HPSE2: variants seen among roughly 807,000 people sequenced by gnomAD.
HPSE2 encodes heparanase 2 (inactive).
HPSE2 carries 38 observed loss-of-function variants against 60.5 expected under a neutral mutation model. That is an observed-to-expected ratio of 0.63 (90% CI 0.48 to 0.82). The LOEUF (loss-of-function observed/expected upper bound fraction) is 0.82, where lower values mean the gene tolerates loss of function less well. Among genes scored for constraint, HPSE2 ranks in the 40% least tolerant of loss-of-function variants. The probability of loss-of-function intolerance (pLI) is 0.00; values close to 1 mark genes in which losing one functional copy is unlikely to be tolerated. For missense variants in HPSE2, 713 were observed against 740.4 expected (o/e 0.96, Z 0.43); for synonymous variants, 295 against 293.2 (o/e 1.01, Z -0.06).
chr10:99,275,372 T>C, the HPSE2 span, among the ~76,000 whole-genome samples: 1 of 152,182 alleles, frequency 6.6e-6, no homozygotes, highest in East Asian at 1.9e-4. Flanking sequence ...GAAGTCCTTC[T>C]TGACTCGTAC....
intron 6 of HPSE2, among the ~76,000 whole-genome samples, chr10:98,665,853 A>T (rs1006731798): frequency 1.3e-5 from 2 of 152,190 alleles, no homozygotes; most frequent in African/African-American, 4.8e-5. Flanking sequence ...TAGCCCACAG[A>T]CAATATAAAG....
At chr10:99,075,202 TC>T (rs1481311871) in intron 3 of HPSE2, among the ~76,000 whole-genome samples, 1 of 152,172 alleles carries the variant, frequency 6.6e-6, no homozygotes, top group Non-Finnish European at 1.5e-5. Context: ...TTTTGCTGCA[TC>T]TTATAGGTTT....
At chr10:98,526,643 A>C (rs1490042228) in intron 9 of HPSE2, among the ~76,000 whole-genome samples, 1 of 152,238 alleles carries the variant, frequency 6.6e-6, no homozygotes, top group Non-Finnish European at 1.5e-5. Context: ...CATGGTCATC[A>C]TTAAGTTTAC....
chr10:98,957,215 A>C (rs966577172), intron 3 of HPSE2, among the ~76,000 whole-genome samples: 1 of 152,178 alleles, frequency 6.6e-6, no homozygotes, highest in Admixed American at 6.5e-5. Flanking sequence ...CTTTACACTA[A>C]AAGCATGCTA....
Position 98,488,620 on chromosome 10 carries a change from T to G in HPSE2, c.1466+1431A>C, listed in dbSNP as rs36008175. On this transcript the variant is annotated intron_variant, in intron 10 of 11. Coordinates refer to ENST00000370552, the MANE Select transcript of HPSE2 (RefSeq NM_021828.5). ...GCGGTATAAAGACCACAGACTGATA[T>G]GCTTTCCAACAGGGATATAAGGTGC... Among the ~76,000 whole-genome samples the G allele has an allele frequency of 3.8e-3, 579 of 152,324 alleles. 2 individuals carry two copies. Among genetic ancestry groups the G allele is most frequent in the Non-Finnish European group, 6.3e-3 (428 of 68,018 alleles).
At chr10:98,676,851 A>C (rs1317364004) in intron 6 of HPSE2, among the ~76,000 whole-genome samples, 1 of 151,804 alleles carries the variant, frequency 6.6e-6, no homozygotes, top group African/African-American at 2.4e-5. Flanking sequence ...TCTTAAAACA[A>C]ATCACTCTTT....
rs551512093 is a variant in HPSE2 at position 98,933,438 on chromosome 10, G to C, written c.611-189382C>G. ...AAGAAATGTATATTCTGTTGTTTTT[G>C]AGTGGAGCGTTCTATAGATATCTAT... On this transcript the variant is annotated intron_variant, in intron 3 of 11. Coordinates refer to ENST00000370552, the MANE Select transcript of HPSE2 (RefSeq NM_021828.5). Among the ~76,000 whole-genome samples, 16 of 144,440 alleles carry C rather than the reference G, an allele frequency of 1.1e-4. 2 individuals carry two copies. Among genetic ancestry groups the C allele is most frequent in the African/African-American group, 2.8e-4 (10 of 35,698 alleles). The allele number at this position is 144,440 out of a possible 152,430, so 94.8% of individuals were successfully genotyped here.
chr10:99,262,993 T>C, the HPSE2 span, among the ~76,000 whole-genome samples: 1 of 152,164 alleles, frequency 6.6e-6, no homozygotes, highest in Non-Finnish European at 1.5e-5. Context: ...GTCGGAATTC[T>C]TACACAAGAG....
intron 3 of HPSE2, among the ~76,000 whole-genome samples, chr10:98,838,103 C>T (rs733010): frequency 0.81 from 122,702 of 152,092 alleles, 49,839 homozygotes; most frequent in Non-Finnish European, 0.84. Context: ...ACATAGCAAG[C>T]TGGGAGTATT....
intron 3 of HPSE2, among the ~76,000 whole-genome samples, chr10:99,030,700 T>C (rs1055537223): frequency 6.6e-6 from 1 of 152,238 alleles, no homozygotes; most frequent in African/African-American, 2.4e-5. Flanking sequence ...CCCAAGTTTG[T>C]TGCAGTACTA....
intron 11 of HPSE2, among the ~76,000 whole-genome samples, chr10:98,468,494 C>CT (rs1337508524): frequency 6.6e-6 from 1 of 152,114 alleles, no homozygotes; most frequent in Non-Finnish European, 1.5e-5. Flanking sequence ...CCTCCAGGCC[C>CT]TGTCAGAGGT....
chr10:98,670,109 G>C (rs78441097), intron 6 of HPSE2, among the ~76,000 whole-genome samples: 1,706 of 152,272 alleles, frequency 0.011, 26 homozygotes, highest in African/African-American at 0.038. Context: ...CAAGGAACAC[G>C]AGGTATGCCA....
intron 6 of HPSE2, among the ~76,000 whole-genome samples, chr10:98,646,301 T>G (rs1444039358): frequency 2.1e-5 from 3 of 142,308 alleles, no homozygotes; most frequent in Non-Finnish European, 4.5e-5. Flanking sequence ...ATGATAATGG[T>G]GATTTCTTTT....
At chr10:98,919,546 T>C (rs1348855418) in intron 3 of HPSE2, among the ~76,000 whole-genome samples, 1 of 152,108 alleles carries the variant, frequency 6.6e-6, no homozygotes, top group Admixed American at 6.6e-5. Flanking sequence ...ACTAAGCTAA[T>C]CTAACAGTAC....
At chr10:98,468,280 C>T (rs1235882024) in intron 11 of HPSE2, among the ~76,000 whole-genome samples, 2 of 152,178 alleles carry the variant, frequency 1.3e-5, no homozygotes, top group African/African-American at 4.8e-5. Flanking sequence ...GAAGGCTGCT[C>T]AGAAGTGGCC....
intron 3 of HPSE2, among the ~76,000 whole-genome samples, chr10:99,087,628 T>C (rs1055303313): frequency 6.6e-6 from 1 of 152,210 alleles, no homozygotes; most frequent in Non-Finnish European, 1.5e-5. Context: ...TGGGATCCTG[T>C]GTGGCCTTTT....
chr10:98,879,608 A>T (rs925394170), intron 3 of HPSE2, among the ~76,000 whole-genome samples: 1 of 151,988 alleles, frequency 6.6e-6, no homozygotes, highest in Admixed American at 6.6e-5. Context: ...CAAAATAAAT[A>T]TGCATTCTCT....
At chr10:99,183,558 T>C (rs1048235414) in intron 2 of HPSE2, among the ~76,000 whole-genome samples, 4 of 152,204 alleles carry the variant, frequency 2.6e-5, no homozygotes, top group African/African-American at 9.7e-5. Flanking sequence ...CCTGTTTTCT[T>C]ACACATTGTT....
At chr10:99,278,077 C>T in the HPSE2 span, among the ~76,000 whole-genome samples, 1 of 114,482 alleles carries the variant, frequency 8.7e-6, no homozygotes, top group Admixed American at 1.0e-4. Flanking sequence ...AGTCTGGGAG[C>T]GAGACTCCCT....
Sources: gnomAD v4.1 joint callset for allele counts (sites outside exome capture counted in the v4.1 genomes callset) on GRCh38, gnomAD v4.1.1 for gene constraint, MANE v1.5 for transcripts, NCBI Gene and HGNC (gene_info 2026-07-23, HGNC 2026-07-21) for gene names.